CA10: variants seen among roughly 807,000 people sequenced by gnomAD.
The protein encoded by CA10 is carbonic anhydrase-related protein 10.
In CA10, 14 loss-of-function variants were observed where a neutral mutation model predicts 44.2. The ratio of observed to expected loss-of-function variants is 0.32; its 90% CI spans 0.21 to 0.50. The LOEUF (loss-of-function observed/expected upper bound fraction) is 0.50. Among genes scored for constraint, CA10 ranks in the 20% least tolerant of loss-of-function variants. The pLI is 0.99. For missense variants in CA10, 350 were observed against 409.7 expected, an observed-to-expected ratio of 0.85 and a Z score of 1.26; for synonymous variants, 159 against 141.6, an observed-to-expected ratio of 1.12 and a Z score of -0.87.
At chr17:52,138,489 C>T (rs1302610306) in intron 1 of CA10, among the ~76,000 whole-genome samples, 2 of 152,324 alleles carry the variant, frequency 1.3e-5, no homozygotes, top group East Asian at 1.9e-4. Flanking sequence ...TATCCAGTCC[C>T]ACCCAGGTAG....
chr17:51,800,961 A>G (rs1906904576), intron 3 of CA10, among the ~76,000 whole-genome samples: 1 of 152,122 alleles, frequency 6.6e-6, no homozygotes, highest in African/African-American at 2.4e-5. Flanking sequence ...GTGCTCTGTC[A>G]TTCCCCTTAC....
chr17:51,745,281 A>C (rs1221545345), intron 4 of CA10, among the ~76,000 whole-genome samples: 1 of 152,224 alleles, frequency 6.6e-6, no homozygotes, highest in Non-Finnish European at 1.5e-5. Context: ...TCTCTTGGGG[A>C]AAGTTTTACA....
intron 2 of CA10, among the ~76,000 whole-genome samples, chr17:52,059,295 G>T (rs1453444508): frequency 6.6e-6 from 1 of 152,096 alleles, no homozygotes; most frequent in African/African-American, 2.4e-5. Flanking sequence ...AGCTGGAATG[G>T]TTCTTTGGAA....
At chr17:51,787,492 T>C (rs1035650973) in intron 3 of CA10, among the ~76,000 whole-genome samples, 1 of 151,770 alleles carries the variant, frequency 6.6e-6, no homozygotes, top group Non-Finnish European at 1.5e-5. Flanking sequence ...ATTTTTCTTT[T>C]TTTTCCTTTT....
intron 2 of CA10, among the ~76,000 whole-genome samples, chr17:51,954,794 C>A (rs1341389505): frequency 6.6e-6 from 1 of 152,158 alleles, no homozygotes; most frequent in Non-Finnish European, 1.5e-5. Context: ...AATTGGAAGC[C>A]CTGGTGCCCT....
At chr17:52,032,226 C>T (rs904066455) in intron 2 of CA10, among the ~76,000 whole-genome samples, 1 of 152,182 alleles carries the variant, frequency 6.6e-6, no homozygotes, top group African/African-American at 2.4e-5. Flanking sequence ...ACCATAATAC[C>T]TTACAGGAGC....
intron 2 of CA10, among the ~76,000 whole-genome samples, chr17:51,989,215 G>C (rs1984953971): frequency 1.3e-5 from 2 of 150,560 alleles, no homozygotes; most frequent in Admixed American, 1.3e-4. Flanking sequence ...TGTTACCTAG[G>C]TAAATTTGTG....
chr17:52,145,552 T>C (rs977463509), intron 1 of CA10, among the ~76,000 whole-genome samples: 6 of 152,222 alleles, frequency 3.9e-5, no homozygotes, highest in South Asian at 4.1e-4. Context: ...TGTATAAAAA[T>C]GTGCTCCAAG....
intron 3 of CA10, among the ~76,000 whole-genome samples, chr17:51,766,866 G>T (rs1487103305): frequency 6.6e-6 from 1 of 152,148 alleles, no homozygotes; most frequent in African/African-American, 2.4e-5. Context: ...TTTACTTAAG[G>T]TGAGAAGTGG....
At chr17:51,636,212 G>A (rs550824617) in intron 6 of CA10, among the ~76,000 whole-genome samples, 85 of 152,118 alleles carry the variant, frequency 5.6e-4, no homozygotes, top group African/African-American at 1.9e-3. Context: ...CCCAGATCTC[G>A]GTTGTTTTAA....
At chr17:51,644,095 C>T (rs1293381377) in intron 6 of CA10, among the ~76,000 whole-genome samples, 1 of 152,168 alleles carries the variant, frequency 6.6e-6, no homozygotes, top group African/African-American at 2.4e-5. Flanking sequence ...GATTCTCCCT[C>T]TTTCCTCCTT....
intron 3 of CA10, among the ~76,000 whole-genome samples, chr17:51,801,665 T>C (rs1422165939): frequency 6.6e-6 from 1 of 152,184 alleles, no homozygotes; most frequent in Non-Finnish European, 1.5e-5. Flanking sequence ...TCTACATCAC[T>C]ACAGTTCTCT....
At chr17:51,670,149 T>C (rs1441029328) in intron 4 of CA10, among the ~76,000 whole-genome samples, 1 of 152,184 alleles carries the variant, frequency 6.6e-6, no homozygotes, top group Non-Finnish European at 1.5e-5. Flanking sequence ...TAAACCTCTT[T>C]TCTTTATAAA....
At chr17:51,831,713 A>AGCGGCGGCGGCGGCGGCG (rs1249181154) in intron 3 of CA10, among the ~76,000 whole-genome samples, 1 of 106,006 alleles carries the variant, frequency 9.4e-6, no homozygotes, top group African/African-American at 3.2e-5. Context: ...CAGCAGCAGC[A>AGCGGCGGCGGCGGCGGCG]GCAGCAGCAG....
chr17:51,855,433 T>A (rs1978998419), intron 3 of CA10, among the ~76,000 whole-genome samples: 1 of 152,162 alleles, frequency 6.6e-6, no homozygotes, highest in Non-Finnish European at 1.5e-5. Context: ...AAGACCCATC[T>A]CAACTTCAAT....
chr17:52,107,323 A>G (rs754583394), intron 1 of CA10, among the ~76,000 whole-genome samples: 6 of 152,208 alleles, frequency 3.9e-5, no homozygotes, highest in Non-Finnish European at 8.8e-5. Flanking sequence ...GAATTCCAAT[A>G]TGTTAGGACT....
chr17:52,026,868 A>C lies in CA10; in HGVS notation c.136+45451T>G, dbSNP rs371387586. Among the ~76,000 whole-genome samples, 45 of 152,214 alleles carry C rather than the reference A, an allele frequency of 3.0e-4. 4 individuals are homozygous for C. The highest frequency in any genetic ancestry group is 2.5e-3 in the East Asian group (13 of 5,150). The stretch of plus-strand genomic sequence containing the variant: ...GGGGACACAGCCAAACCATATCATC[A>C]ACATTTCTGGCACGAGGAACCAGTT... On this transcript the variant is annotated intron_variant, in intron 2 of 8. Transcript: ENST00000451037.
At chr17:51,853,927 C>T (rs1978920716) in intron 3 of CA10, among the ~76,000 whole-genome samples, 1 of 152,190 alleles carries the variant, frequency 6.6e-6, no homozygotes, top group Admixed American at 6.5e-5. Flanking sequence ...AATTAAACCT[C>T]TTTCCTTTAT....
At chr17:51,772,084 A>G (rs920579833) in intron 3 of CA10, among the ~76,000 whole-genome samples, 1 of 152,036 alleles carries the variant, frequency 6.6e-6, no homozygotes, top group Non-Finnish European at 1.5e-5. Context: ...ACTTTCCTCT[A>G]TTTCATTCTC....
Sources: gnomAD v4.1 joint callset for allele counts (sites outside exome capture counted in the v4.1 genomes callset) on GRCh38, gnomAD v4.1.1 for gene constraint, MANE v1.5 for transcripts, NCBI Gene and HGNC (gene_info 2026-07-23, HGNC 2026-07-21) for gene names.